FSTL5: variants seen among roughly 807,000 people sequenced by gnomAD.
The protein encoded by FSTL5 is follistatin-related protein 5.
Under a neutral mutation model 89.1 loss-of-function variants are expected in FSTL5, and 62 were observed. The ratio of observed to expected loss-of-function variants is 0.70; its 90% CI spans 0.57 to 0.86. FSTL5 has a LOEUF of 0.86. FSTL5 is among the 40% of genes least tolerant of loss of function. The pLI, the probability that FSTL5 is intolerant of heterozygous loss-of-function variation, is 0.00. For missense variants in FSTL5, 1,057 were observed against 1,001.6 expected (o/e 1.06, Z -0.75); for synonymous variants, 383 against 346.2 (o/e 1.11, Z -1.18).
chr4:161,545,467 G>A (rs1298680263), intron 8 of FSTL5, among the ~76,000 whole-genome samples: 1 of 151,832 alleles, frequency 6.6e-6, no homozygotes, highest in Admixed American at 6.6e-5. Context: ...TTGCTACATT[G>A]AATCAAATAT....
intron 10 of FSTL5, among the ~76,000 whole-genome samples, chr4:161,512,670 C>A (rs910805509): frequency 1.3e-5 from 2 of 151,894 alleles, no homozygotes; most frequent in Non-Finnish European, 2.9e-5. Context: ...GACTGGCAGT[C>A]ATTTAGGAAT....
At chr4:161,929,542 T>C (rs1447374258) in intron 3 of FSTL5, among the ~76,000 whole-genome samples, 1 of 148,392 alleles carries the variant, frequency 6.7e-6, no homozygotes, top group South Asian at 2.3e-4. Flanking sequence ...TTTTTATGAA[T>C]TTTTTTGTGG....
At chr4:161,499,581 AG>A (rs1240535398) in intron 12 of FSTL5, among the ~76,000 whole-genome samples, 1 of 152,224 alleles carries the variant, frequency 6.6e-6, no homozygotes, top group Admixed American at 6.5e-5. Context: ...GACCTCATGA[AG>A]AATGAGATGA....
At chr4:161,701,440 A>G (rs1223296805) in intron 6 of FSTL5, among the ~76,000 whole-genome samples, 1 of 152,130 alleles carries the variant, frequency 6.6e-6, no homozygotes, top group African/African-American at 2.4e-5. Context: ...ATCTTCCCAA[A>G]GTAACTTTCA....
chr4:162,105,766 C>A (rs1261196471), intron 2 of FSTL5, among the ~76,000 whole-genome samples: 1 of 151,978 alleles, frequency 6.6e-6, no homozygotes, highest in Non-Finnish European at 1.5e-5. Context: ...CTCCTCTGAC[C>A]GAGGACATAT....
intron 10 of FSTL5, among the ~76,000 whole-genome samples, chr4:161,514,336 C>T (rs995669973): frequency 1.3e-5 from 2 of 151,940 alleles, no homozygotes; most frequent in Admixed American, 1.3e-4. Flanking sequence ...TGGATGGAAC[C>T]ACAGGCCAGT....
chr4:161,593,212 A>G (rs1348643514), intron 7 of FSTL5, among the ~76,000 whole-genome samples: 2 of 152,130 alleles, frequency 1.3e-5, no homozygotes, highest in African/African-American at 4.8e-5. Flanking sequence ...TCTTTTGGTA[A>G]AGAAACTGTT....
rs569507228 is a variant in FSTL5 at position 161,527,361 on chromosome 4, T to G, written c.1312+10805A>C. Among the ~76,000 whole-genome samples, 5 of 152,168 alleles carry G rather than the reference T, an allele frequency of 3.3e-5. No homozygotes were observed. In the East Asian group the frequency reaches 9.7e-4, roughly 29 times the overall value. ...CTACCATCAGAGTGAACAGGCAACCTACAAAATGGGAGAAAATTTTCGCAA... is the reference window on the plus strand; with the variant it reads ...CTACCATCAGAGTGAACAGGCAACCGACAAAATGGGAGAAAATTTTCGCAA... On this transcript the variant is annotated intron_variant, in intron 10 of 15. Transcript: ENST00000306100.
chr4:161,610,206 C>T (rs1355084034), intron 7 of FSTL5, among the ~76,000 whole-genome samples: 2 of 151,938 alleles, frequency 1.3e-5, no homozygotes, highest in Non-Finnish European at 2.9e-5. Flanking sequence ...TGAAGGTTGG[C>T]TTTACTTCTT....
intron 4 of FSTL5, among the ~76,000 whole-genome samples, chr4:161,784,895 A>AACAAAAACAAAAACAAAAAC (rs373897304): frequency 0.21 from 29,609 of 141,970 alleles, 4,705 homozygotes; most frequent in Middle Eastern, 0.34. Context: ...TCCGTCTCAA[A>AACAAAAACAAAAACAAAAAC]AAAAACAAAA....
chr4:161,676,916 A>C (rs1737325777), intron 6 of FSTL5, among the ~76,000 whole-genome samples: 1 of 152,030 alleles, frequency 6.6e-6, no homozygotes, highest in South Asian at 2.1e-4. Context: ...AACATTAGAC[A>C]TTTAAAATAC....
intron 8 of FSTL5, among the ~76,000 whole-genome samples, chr4:161,543,800 C>T (rs749585102): frequency 3.9e-5 from 6 of 152,104 alleles, no homozygotes; most frequent in Non-Finnish European, 7.4e-5. Context: ...AAACAATAAA[C>T]TATCAGAAGA....
In FSTL5 at chr4:161,386,316, C is replaced by T. The variant is rs1168923472; in HGVS notation, c.1975G>A (p.Gly659Ser). 3 of 1,613,910 alleles carry T rather than the reference C, an allele frequency of 1.9e-6. No individual in the cohort carries two copies. Among genetic ancestry groups the T allele is most frequent in the Admixed American group, 1.7e-5 (1 of 59,968 alleles). ...GGTTTGCAGCCAATGAAGTAGTAGC[C>T]TCCCAAGTGTGTATATGCCAATGAC... is the stretch of plus-strand genomic sequence containing the variant. ...PQSLAYTHLGGYYFIGCKPDS... is the reference protein window; with the variant it reads ...PQSLAYTHLGSYYFIGCKPDS... Residue 659 changes from glycine to serine, a missense_variant, in exon 16 of 16, where the codon GGC (glycine) becomes AGC (serine). Gly to Ser is a moderately conservative substitution (Grantham distance 56). Coordinates refer to ENST00000306100, the MANE Select transcript of FSTL5 (RefSeq NM_020116.5).
At chr4:162,134,680 C>T (rs1160731841) in intron 1 of FSTL5, among the ~76,000 whole-genome samples, 1 of 152,280 alleles carries the variant, frequency 6.6e-6, no homozygotes, top group East Asian at 1.9e-4. Context: ...GAGAGAACAA[C>T]AAAGGTATTA....
intron 1 of FSTL5, among the ~76,000 whole-genome samples, chr4:162,144,833 C>T (rs1187361100): frequency 1.3e-5 from 2 of 151,760 alleles, no homozygotes; most frequent in Non-Finnish European, 2.9e-5. Context: ...TTTATAAAAA[C>T]GTATGCTGTC....
At chr4:161,783,069 A>G (rs1741727217) in intron 4 of FSTL5, among the ~76,000 whole-genome samples, 2 of 152,298 alleles carry the variant, frequency 1.3e-5, no homozygotes, top group Admixed American at 6.5e-5. Flanking sequence ...ATTAGCAGAA[A>G]ACACAACAAA....
In FSTL5 at chr4:161,411,864, G is replaced by A. The variant is rs117637438; in HGVS notation, c.1842-25415C>T. On this transcript the variant is annotated intron_variant, in intron 15 of 15. Transcript: ENST00000306100. ...AATCAGGCAAGAGAAAGAAAAGAAA[G>A]GAATAAAAGGCATCCAAATAGGAAA... Among the ~76,000 whole-genome samples the A allele has an allele frequency of 3.2e-4, 49 of 152,160 alleles. No individual in the cohort carries two copies. The East Asian group carries it at 9.3e-3, about 29-fold the overall frequency.
chr4:161,527,993 T>A (rs1731285429), intron 10 of FSTL5, among the ~76,000 whole-genome samples: 2 of 150,724 alleles, frequency 1.3e-5, no homozygotes, highest in South Asian at 4.2e-4. Flanking sequence ...ATGTCCTTTG[T>A]AGGGACATGG....
At chr4:161,461,252 A>G (rs969724117) in intron 13 of FSTL5, among the ~76,000 whole-genome samples, 1 of 147,996 alleles carries the variant, frequency 6.8e-6, no homozygotes. Flanking sequence ...GTCAGGAGAT[A>G]GATACCACGG....
Sources: gnomAD v4.1 joint callset for allele counts (sites outside exome capture counted in the v4.1 genomes callset) on GRCh38, gnomAD v4.1.1 for gene constraint, MANE v1.5 for transcripts, NCBI Gene and HGNC (gene_info 2026-07-23, HGNC 2026-07-21) for gene names.